The following POLR3E variants were observed in gnomAD, a reference collection of about 807,000 sequenced individuals.
POLR3E encodes the protein DNA-directed RNA polymerase III subunit RPC5.
In POLR3E, 41 loss-of-function variants were observed where a neutral mutation model predicts 96.6. The observed-to-expected ratio is 0.42, with a 90% CI of 0.33 to 0.55. The LOEUF is 0.55. Ranked by LOEUF, POLR3E falls within the 20% of genes least tolerant of loss-of-function variation. The pLI, the probability that POLR3E is intolerant of heterozygous loss-of-function variation, is 0.06. For missense variants in POLR3E, 849 were observed against 952.1 expected, an observed-to-expected ratio of 0.89 and a Z score of 1.43; for synonymous variants, 396 against 383.6, an observed-to-expected ratio of 1.03 and a Z score of -0.38.
intron 20 of POLR3E, among the ~76,000 whole-genome samples, 165 bp from the exon 21 acceptor site, chr16:22,333,479 A>AGGAAAGGGTGGCTGGTAGT (rs2048787369): frequency 6.7e-6 from 1 of 150,156 alleles, no homozygotes; most frequent in Admixed American, 6.6e-5. Flanking sequence ...ACTACCCCTG[A>AGGAAAGGGTGGCTGGTAGT]GGAAAGGGTG....
intron 19 of POLR3E, among the ~76,000 whole-genome samples, chr16:22,330,528 TTCTGAAC>T (rs2048714746): frequency 6.6e-6 from 1 of 152,224 alleles, no homozygotes; most frequent in African/African-American, 2.4e-5. Context: ...TTGTGTAATT[TTCTGAAC>T]ACATGTGTAC....
intron 18 of POLR3E, chr16:22,326,780 C>T (rs1371647480): frequency 5.6e-6 from 1 of 178,336 alleles, no homozygotes; most frequent in African/African-American, 2.4e-5. Flanking sequence ...GTTTTGAATC[C>T]TTTCTGCTCA....
intron 8 of POLR3E, chr16:22,314,863 C>T: frequency 2.3e-6 from 1 of 434,556 alleles, no homozygotes; most frequent in South Asian, 3.2e-5. Flanking sequence ...CCCCCTCAAG[C>T]CTCTGGGCTG....
At position 22,318,894 on chromosome 16, in the gene POLR3E, C is replaced by T. The variant is rs780918282; in HGVS notation, c.934C>T (p.Arg312Trp). Reference protein sequence around the residue: ...GPSIDSVAVLRGIQKVAMLVQ... With the variant: ...GPSIDSVAVLWGIQKVAMLVQ... ...CTCCATCGATTCCGTGGCTGTTCTG[C>T]GGGGCATCCAGAAGGTGGCGATGTT... The change falls in exon 13 of 21, where the codon CGG becomes TGG. Residue 312 changes from arginine to tryptophan, a missense_variant. Coordinates refer to ENST00000299853, the MANE Select transcript of POLR3E (RefSeq NM_018119.4). This position sits in a 1 kb window ranked among gnomAD's most constrained non-coding sequence, Gnocchi z 5.0. 31 of 1,613,328 alleles carry T rather than the reference C, an allele frequency of 1.9e-5. No individual in the cohort carries two copies. The highest frequency in any genetic ancestry group is 8.0e-5 in the African/African-American group (6 of 74,774).
At chr16:22,316,571 C>G in intron 9 of POLR3E, 30 bp from the exon 10 acceptor site, 2 of 1,575,408 alleles carry the variant, frequency 1.3e-6, no homozygotes, top group Non-Finnish European at 1.7e-6. Flanking sequence ...TCAGCTGAGG[C>G]TCCTCTCACA....
rs1364980038 is a variant in POLR3E, at chr16:22,313,152, G to C, written c.365-468G>C. ...CTCTTCTCCAGCCACAGTGGCACTA[G>C]TGGACTTCCTAGTGGAACGGGTGGG... On this transcript the variant is annotated intron_variant, in intron 6 of 20. Coordinates refer to ENST00000299853, the MANE Select transcript of POLR3E (RefSeq NM_018119.4). This position sits in a 1 kb window ranked among gnomAD's most constrained non-coding sequence, Gnocchi z 4.1. 6.6e-6 allele frequency among the ~76,000 whole-genome samples: 1 copy of C among 152,156 alleles called. No homozygotes were observed. The highest frequency in any genetic ancestry group is 2.4e-5 in the African/African-American group (1 of 41,440).
chr16:22,314,011 G>T (rs1028856570), intron 7 of POLR3E, 68 bp from the exon 8 acceptor site: 28 of 1,381,308 alleles, frequency 2.0e-5, no homozygotes, highest in Admixed American at 1.7e-5. Context: ...CTTCCCTGGC[G>T]GGTGGGGTTG....
chr16:22,323,589 A>G (rs1019951725), intron 14 of POLR3E, among the ~76,000 whole-genome samples: 9 of 152,126 alleles, frequency 5.9e-5, no homozygotes, highest in African/African-American at 2.2e-4. Flanking sequence ...TGAAGGAAGC[A>G]TCTGCCTCTT....
chr16:22,318,003 T>C lies in POLR3E; in HGVS notation c.865+797T>C, dbSNP rs1015031769. Reference sequence around the variant, plus strand: ...GAGCCGCAGAACCTGGGCTCGTCCTTTGAGATGCCACCATGAGCTCTTAGG... The same window carrying C: ...GAGCCGCAGAACCTGGGCTCGTCCTCTGAGATGCCACCATGAGCTCTTAGG... On this transcript the variant is annotated intron_variant, in intron 12 of 20. Coordinates refer to ENST00000299853, the MANE Select transcript of POLR3E (RefSeq NM_018119.4). The surrounding 1 kb of genome is among the most constrained non-coding windows in gnomAD (Gnocchi z 5.0). 6.6e-6 allele frequency among the ~76,000 whole-genome samples: 1 copy of C among 152,086 alleles called. No homozygotes were observed. The highest frequency in any genetic ancestry group is 1.5e-5 in the Non-Finnish European group (1 of 68,040).
At chr16:22,331,933 G>A in intron 19 of POLR3E, 127 bp from the exon 20 acceptor site, 1 of 871,986 alleles carries the variant, frequency 1.1e-6, no homozygotes, top group Non-Finnish European at 1.8e-6. Flanking sequence ...TTAACCAGAG[G>A]TGCTGCGTGA....
chr16:22,314,978 A>G (rs2048324016), intron 8 of POLR3E, 111 bp from the exon 9 acceptor site: 5 of 1,077,886 alleles, frequency 4.6e-6, no homozygotes, highest in Non-Finnish European at 6.6e-6. Context: ...AAAGGAAGGG[A>G]GAGTGGAAAA....
chr16:22,334,306 C>T lies in POLR3E; in HGVS notation c.*606C>T, dbSNP rs941889962. The T allele has an allele frequency of 6.6e-6, 1 of 152,196 alleles. No homozygotes were observed. The highest frequency in any genetic ancestry group is 1.5e-5 in the Non-Finnish European group (1 of 68,044). The allele number at this position is 152,196 out of a possible 1,614,324, so 9.4% of individuals were successfully genotyped here. On this transcript the variant is annotated 3_prime_UTR_variant, in exon 21 of 21. Coordinates refer to ENST00000299853, the MANE Select transcript of POLR3E (RefSeq NM_018119.4). ...ATAGCAAAAAAATCAGAATCAAATC[C>T]ATCTCCTTTTAATGTTTGCAGAAAG...
chr16:22,329,105 A>C (rs1240760069), intron 19 of POLR3E: 2 of 166,736 alleles, frequency 1.2e-5, no homozygotes, highest in Non-Finnish European at 2.6e-5. Flanking sequence ...AAAAAAAAAA[A>C]CATAGATTCA....
rs767766479 is a variant in POLR3E, at chr16:22,313,751, G to A, written c.472+24G>A. The A allele has an allele frequency of 7.4e-6, 11 of 1,486,814 alleles. No homozygotes were observed. The highest frequency in any genetic ancestry group is 7.5e-6 in the Non-Finnish European group (8 of 1,068,940). The allele number at this position is 1,486,814 out of a possible 1,614,324, so 92.1% of individuals were successfully genotyped here. On this transcript the variant is annotated intron_variant, in intron 7 of 20. Transcript: ENST00000299853. This position sits in a 1 kb window ranked among gnomAD's most constrained non-coding sequence, Gnocchi z 4.1. ...GGGTGAGCCCGGGATCCCCAGCCCTGCTGCCTGCCTGCCTTCATCCTGGTG... is the reference window on the plus strand; with the variant it reads ...GGGTGAGCCCGGGATCCCCAGCCCTACTGCCTGCCTGCCTTCATCCTGGTG...
At chr16:22,330,015 C>G (rs2048702097) in intron 19 of POLR3E, among the ~76,000 whole-genome samples, 1 of 149,678 alleles carries the variant, frequency 6.7e-6, no homozygotes, top group Non-Finnish European at 1.5e-5. Flanking sequence ...AGATTTAGCT[C>G]TCAACTATTT....
At position 22,299,568 on chromosome 16, in the gene POLR3E, C is replaced by A. The variant is rs1270607188; in HGVS notation, c.-39+2031C>A. 3.9e-5 allele frequency among the ~76,000 whole-genome samples: 6 copies of A among 151,982 alleles called. No homozygotes were observed. The East Asian group carries it at 9.7e-4, about 24-fold the overall frequency. On this transcript the variant is annotated intron_variant, in intron 1 of 20. Coordinates refer to ENST00000299853, the MANE Select transcript of POLR3E (RefSeq NM_018119.4). Reference sequence around the variant, plus strand: ...AGCTGGGATTACAGGCGTGCATCACCACGCCTGGCTAATTTTTGTATTTTA... The same window carrying A: ...AGCTGGGATTACAGGCGTGCATCACAACGCCTGGCTAATTTTTGTATTTTA...
chr16:22,325,333 C>A, intron 17 of POLR3E, 67 bp downstream of exon 17: 1 of 1,299,252 alleles, frequency 7.7e-7, no homozygotes, highest in Non-Finnish European at 1.1e-6. Context: ...GGCTGCTGTG[C>A]TAGAGCTTGT....
chr16:22,302,201 C>A (rs1421360057), intron 1 of POLR3E, among the ~76,000 whole-genome samples: 1 of 152,112 alleles, frequency 6.6e-6, no homozygotes, highest in East Asian at 1.9e-4. Flanking sequence ...GCAGAAAGGC[C>A]TTTCCCGCCT....
At chr16:22,323,851 C>G (rs1392042451) in intron 14 of POLR3E, among the ~76,000 whole-genome samples, 1 of 152,196 alleles carries the variant, frequency 6.6e-6, no homozygotes, top group Non-Finnish European at 1.5e-5. Context: ...TTCCCTGTGT[C>G]TCTCAGCCAG....
Sources: allele counts gnomAD v4.1 joint callset (sites outside exome capture counted in the v4.1 genomes callset), GRCh38; gene constraint gnomAD v4.1.1; non-coding constraint Gnocchi (gnomAD v3.1); transcripts MANE v1.5; gene names NCBI Gene and HGNC (gene_info 2026-07-23, HGNC 2026-07-21).